The following FNBP1 variants were observed in gnomAD, a reference collection of about 807,000 sequenced individuals.
FNBP1 encodes the protein formin-binding protein 1.
A neutral mutation model predicts 90.6 loss-of-function variants in FNBP1; 26 were observed. That is an observed-to-expected ratio of 0.29 (90% CI 0.21 to 0.40). The LOEUF is 0.40. Among genes scored for constraint, FNBP1 ranks in the 10% least tolerant of loss-of-function variants. FNBP1 has a pLI of 1.00. For synonymous variants in FNBP1, 260 were observed against 265.2 expected, an observed-to-expected ratio of 0.98 and a Z score of 0.19; for missense variants, 635 against 768.0, an observed-to-expected ratio of 0.83 and a Z score of 2.05.
intron 6 of FNBP1, among the ~76,000 whole-genome samples, chr9:129,949,020 T>C (rs1444501997): frequency 2.0e-5 from 3 of 151,904 alleles, no homozygotes; most frequent in African/African-American, 7.3e-5. Context: ...CCTCTCAATA[T>C]CCCAAAACAG....
rs1049052552 is a variant in FNBP1, at chr9:129,905,008, C to CATTT, written c.1296-2011_1296-2008dup. The stretch of plus-strand genomic sequence containing the variant: ...ATGTTCTTAAAAATGTTTAAATAAA[C>CATTT]ATTTATTTATTTAACAAATAACAAA... On this transcript the variant is annotated intron_variant, in intron 12 of 16. Coordinates refer to ENST00000446176, the MANE Select transcript of FNBP1 (RefSeq NM_015033.3). Among the ~76,000 whole-genome samples, 11 of 151,924 alleles carry CATTT rather than the reference C, an allele frequency of 7.2e-5. No homozygotes were observed. In the East Asian group the frequency reaches 7.7e-4, roughly 11 times the overall value.
At chr9:130,016,631 T>A (rs1413961403) in intron 1 of FNBP1, among the ~76,000 whole-genome samples, 1 of 152,048 alleles carries the variant, frequency 6.6e-6, no homozygotes, top group African/African-American at 2.4e-5. Context: ...TAATTAGAGC[T>A]ACTCAGGAGG....
intron 2 of FNBP1, among the ~76,000 whole-genome samples, chr9:129,992,549 C>CTTTTTTTTTTTT (rs11455680): frequency 1.1e-5 from 1 of 92,532 alleles, no homozygotes; most frequent in Non-Finnish European, 1.9e-5. Flanking sequence ...ACACATAGCT[C>CTTTTTTTTTTTT]TTTTTTTTTT....
chr9:130,027,656 G>C (rs2058464703), intron 1 of FNBP1, among the ~76,000 whole-genome samples: 2 of 152,116 alleles, frequency 1.3e-5, no homozygotes, highest in Admixed American at 1.3e-4. Flanking sequence ...TGAGGCCTCA[G>C]CTGGGAAGGC....
intron 9 of FNBP1, among the ~76,000 whole-genome samples, chr9:129,924,345 C>T (rs914322916): frequency 6.6e-6 from 1 of 152,096 alleles, no homozygotes; most frequent in Non-Finnish European, 1.5e-5. Flanking sequence ...TTCTACATTA[C>T]CTAAACTAAC....
In FNBP1 at chr9:129,958,553, T is replaced by G; in HGVS notation, c.346A>C (p.Asn116His). 1 of 1,592,978 alleles carries G rather than the reference T, an allele frequency of 6.3e-7. No homozygotes were observed. Among genetic ancestry groups the G allele is most frequent in the Non-Finnish European group, 8.6e-7 (1 of 1,168,660 alleles). Residue 116 changes from asparagine to histidine, a missense_variant and splice_region_variant, in exon 5 of 17, where the codon AAC becomes CAC. Physicochemically the swap from Asn to His is moderately conservative, Grantham distance 68. Transcript: ENST00000446176. ...VQELKQERKS[N>H]FHDGRKAQQH... The stretch of plus-strand genomic sequence containing the variant: ...TGTGCTTTACGGCCATCGTGAAAGT[T>G]CTGCAAAGGGGAAAACACACTGGTG...
chr9:129,908,812 C>G, intron 12 of FNBP1, 78 bp downstream of exon 12: 1 of 935,164 alleles, frequency 1.1e-6, no homozygotes, highest in South Asian at 1.4e-5. Flanking sequence ...CGCAGCCTCC[C>G]AAAGTGCTGG....
At chr9:130,016,898 G>T (rs2057296264) in intron 1 of FNBP1, among the ~76,000 whole-genome samples, 1 of 152,156 alleles carries the variant, frequency 6.6e-6, no homozygotes, top group Non-Finnish European at 1.5e-5. Flanking sequence ...ACTCTGCAAG[G>T]TGCTGGGGAT....
chr9:129,979,444 CATT>C (rs1213777962), intron 2 of FNBP1, 70 bp from the exon 3 acceptor site: 1 of 1,081,800 alleles, frequency 9.2e-7, no homozygotes, highest in Non-Finnish European at 1.4e-6. Flanking sequence ...TGAAAGATAA[CATT>C]AGTGCTTTTG....
At chr9:129,947,489 C>T (rs1196090197) in intron 6 of FNBP1, among the ~76,000 whole-genome samples, 1 of 151,394 alleles carries the variant, frequency 6.6e-6, no homozygotes, top group Non-Finnish European at 1.5e-5. Context: ...GCAAGTTCCT[C>T]AGAGTCAAGG....
At chr9:129,929,386 G>A in intron 7 of FNBP1, among the ~76,000 whole-genome samples, 181 bp downstream of exon 7, 1 of 145,844 alleles carries the variant, frequency 6.9e-6, no homozygotes, top group African/African-American at 2.6e-5. Context: ...CTCCAGCCTG[G>A]GTGACAAAGC....
chr9:129,927,353 G>C lies in FNBP1; in HGVS notation c.643-12C>G. 1 of 1,606,044 alleles carries C rather than the reference G, an allele frequency of 6.2e-7. No homozygotes were observed. Among genetic ancestry groups the C allele is most frequent in the Non-Finnish European group, 8.5e-7 (1 of 1,174,446 alleles). On this transcript the variant is annotated splice_polypyrimidine_tract_variant and intron_variant, in intron 7 of 16. Transcript: ENST00000446176. ...ATCTCTTGTATTTTCTGCAACATTA[G>C]ATTTTGTATAAAGTAAGTTTGGTCC...
In FNBP1 at chr9:129,916,067, G is replaced by A. The variant is rs2040215949; in HGVS notation, c.1171-87C>T. The A allele has an allele frequency of 1.6e-5, 15 of 939,368 alleles. No individual in the cohort carries two copies. The South Asian group carries it at 2.0e-4, about 12-fold the overall frequency. The allele number at this position is 939,368 out of a possible 1,614,324, so 58.2% of individuals were successfully genotyped here. ...AAAAAACAACAACACATCAGAAGAA[G>A]AGGAACTTGGTCAGTTCCGCCATAT... is the stretch of plus-strand genomic sequence containing the variant. On this transcript the variant is annotated intron_variant, in intron 10 of 16. Coordinates refer to ENST00000446176, the MANE Select transcript of FNBP1 (RefSeq NM_015033.3).
At chr9:129,960,684 G>C (rs1221427238) in intron 4 of FNBP1, among the ~76,000 whole-genome samples, 1 of 151,994 alleles carries the variant, frequency 6.6e-6, no homozygotes, top group Non-Finnish European at 1.5e-5. Flanking sequence ...ATGAACCAGA[G>C]TCGATGAGTA....
At chr9:129,962,538 C>T (rs1798801995) in intron 4 of FNBP1, among the ~76,000 whole-genome samples, 1 of 152,148 alleles carries the variant, frequency 6.6e-6, no homozygotes, top group African/African-American at 2.4e-5. Flanking sequence ...ATGGAGCTGA[C>T]AACTGGAAAG....
At position 129,944,976 on chromosome 9, in the gene FNBP1, A is replaced by AAC. The variant is rs145865785; in HGVS notation, c.513+12382_513+12383dup. ...TACTAAGTGCCAAGTGTTGAAGCTA[A>AAC]ACACACACACACACACATAAATAAA... On this transcript the variant is annotated intron_variant, in intron 6 of 16. Transcript: ENST00000446176. Among the ~76,000 whole-genome samples, 310 of 151,888 alleles carry AAC rather than the reference A, an allele frequency of 2.0e-3. 2 individuals carry two copies. The highest frequency in any genetic ancestry group is 0.01 in the East Asian group (54 of 5,174).
intron 1 of FNBP1, among the ~76,000 whole-genome samples, chr9:130,008,219 T>G (rs1191943128): frequency 1.3e-5 from 2 of 151,630 alleles, no homozygotes; most frequent in Non-Finnish European, 2.9e-5. Context: ...TGTGGTGTCA[T>G]GCGCCTGTGG....
In FNBP1 at chr9:130,010,518, A is replaced by G. The variant is rs1219333482; in HGVS notation, c.25-15560T>C. 4.6e-5 allele frequency among the ~76,000 whole-genome samples: 7 copies of G among 152,282 alleles called. No homozygotes were observed. In the East Asian group the frequency reaches 1.4e-3, roughly 29 times the overall value. ...AGTGATCTGCCTGCCTCGGCCTCCC[A>G]AAGTGCTGGAATTGCAGGCATGAGC... On this transcript the variant is annotated intron_variant, in intron 1 of 16. Transcript: ENST00000446176.
At position 129,944,466 on chromosome 9, in the gene FNBP1, G is replaced by A. The variant is rs551543923; in HGVS notation, c.513+12894C>T. On this transcript the variant is annotated intron_variant, in intron 6 of 16. Transcript: ENST00000446176. ...TGAGGCAGGAGAATTGCTTGAACCCGGGAGGCAGAGGTTGCAGTGAGCCGA... is the reference window on the plus strand; with the variant it reads ...TGAGGCAGGAGAATTGCTTGAACCCAGGAGGCAGAGGTTGCAGTGAGCCGA... Among the ~76,000 whole-genome samples the A allele has an allele frequency of 6.6e-5, 10 of 151,514 alleles. No homozygotes were observed. In the East Asian group the frequency reaches 9.7e-4, roughly 15 times the overall value.
Sources: allele counts gnomAD v4.1 joint callset (sites outside exome capture counted in the v4.1 genomes callset), GRCh38; gene constraint gnomAD v4.1.1; transcripts MANE v1.5; gene names NCBI Gene and HGNC (gene_info 2026-07-23, HGNC 2026-07-21).